FAF1: variants seen among roughly 807,000 people sequenced by gnomAD.
FAF1 encodes FAS-associated factor 1.
Under a neutral mutation model 92.5 loss-of-function variants are expected in FAF1, and 25 were observed. The observed-to-expected ratio is 0.27, with a 90% CI of 0.20 to 0.38. The LOEUF is 0.38. Ranked by LOEUF, FAF1 falls within the 10% of genes least tolerant of loss-of-function variation. FAF1 has a pLI of 1.00. For synonymous variants in FAF1, 234 were observed against 273.2 expected, an observed-to-expected ratio of 0.86 and a Z score of 1.42; for missense variants, 636 against 793.3, an observed-to-expected ratio of 0.80 and a Z score of 2.38.
chr1:50,637,616 C>T (rs1374597195), intron 8 of FAF1, among the ~76,000 whole-genome samples: 1 of 151,276 alleles, frequency 6.6e-6, no homozygotes, highest in African/African-American at 2.4e-5. Context: ...GGAGGAGGTA[C>T]TGCCTTAAAA....
intron 8 of FAF1, among the ~76,000 whole-genome samples, chr1:50,610,755 C>A (rs1330695704): frequency 6.6e-6 from 1 of 152,092 alleles, no homozygotes; most frequent in East Asian, 1.9e-4. Flanking sequence ...CCCCTCACAC[C>A]TGTTAGGCTT....
At chr1:50,861,183 C>T (rs1305735175) in intron 1 of FAF1, among the ~76,000 whole-genome samples, 2 of 151,802 alleles carry the variant, frequency 1.3e-5, no homozygotes, top group African/African-American at 4.8e-5. Flanking sequence ...AGGTAATAAA[C>T]TTCTATCTGT....
chr1:50,728,706 G>T (rs1301879597), intron 6 of FAF1, among the ~76,000 whole-genome samples: 1 of 151,278 alleles, frequency 6.6e-6, no homozygotes, highest in Non-Finnish European at 1.5e-5. Flanking sequence ...CAGGAAAATC[G>T]CTTGAACCCA....
intron 7 of FAF1, among the ~76,000 whole-genome samples, chr1:50,698,822 T>G (rs1657341962): frequency 6.6e-6 from 1 of 151,896 alleles, no homozygotes; most frequent in Admixed American, 6.6e-5. Flanking sequence ...AAAGGCATGC[T>G]ACCTTCTTAA....
At chr1:50,649,656 G>C (rs1335033560) in intron 8 of FAF1, among the ~76,000 whole-genome samples, 13 of 151,672 alleles carry the variant, frequency 8.6e-5, no homozygotes, top group Admixed American at 7.9e-4. Flanking sequence ...AATCAAGAAA[G>C]AAAAGTCTGG....
chr1:50,822,831 A>G (rs1361289549), intron 2 of FAF1, among the ~76,000 whole-genome samples: 1 of 144,892 alleles, frequency 6.9e-6, no homozygotes, highest in Non-Finnish European at 1.5e-5. Flanking sequence ...CTGGAGTGCA[A>G]TGGCACGATC....
intron 15 of FAF1, among the ~76,000 whole-genome samples, chr1:50,496,716 A>G (rs1572785566): frequency 6.6e-6 from 1 of 152,216 alleles, no homozygotes; most frequent in East Asian, 1.9e-4. Flanking sequence ...ACATGGTGAA[A>G]CATGTCTACT....
chr1:50,509,143 T>C (rs1647099776), intron 15 of FAF1, among the ~76,000 whole-genome samples: 1 of 151,904 alleles, frequency 6.6e-6, no homozygotes, highest in South Asian at 2.1e-4. Context: ...AATGTGGTAT[T>C]ATCCATACAA....
intron 1 of FAF1, among the ~76,000 whole-genome samples, chr1:50,911,908 GC>G (rs1238437267): frequency 6.6e-6 from 1 of 151,838 alleles, no homozygotes; most frequent in Non-Finnish European, 1.5e-5. Context: ...ATGGTGGCAT[GC>G]CCCTGTAGTC....
intron 2 of FAF1, among the ~76,000 whole-genome samples, chr1:50,844,226 T>TA (rs748131945): frequency 1.3e-5 from 2 of 152,164 alleles, no homozygotes; most frequent in Non-Finnish European, 2.9e-5. Flanking sequence ...TAAATCATAG[T>TA]ATTTGTTTTT....
At chr1:50,954,993 C>A (rs1570185693) in intron 1 of FAF1, among the ~76,000 whole-genome samples, 2 of 152,106 alleles carry the variant, frequency 1.3e-5, no homozygotes, top group Non-Finnish European at 2.9e-5. Context: ...CAGAGTGAGA[C>A]CCTGTCTCGC....
intron 7 of FAF1, among the ~76,000 whole-genome samples, chr1:50,680,858 A>C (rs1429173518): frequency 6.6e-6 from 1 of 152,148 alleles, no homozygotes; most frequent in Non-Finnish European, 1.5e-5. Flanking sequence ...GCTCAGATCA[A>C]CTTAAACACC....
At chr1:50,834,464 T>G (rs1437179669) in intron 2 of FAF1, among the ~76,000 whole-genome samples, 1 of 152,082 alleles carries the variant, frequency 6.6e-6, no homozygotes, top group Non-Finnish European at 1.5e-5. Context: ...GAAAGACAGG[T>G]AAGAGGTCAG....
intron 7 of FAF1, among the ~76,000 whole-genome samples, chr1:50,693,236 G>A (rs956862958): frequency 6.6e-6 from 1 of 152,002 alleles, no homozygotes; most frequent in African/African-American, 2.4e-5. Flanking sequence ...TTTTCTTTCT[G>A]TCTGGTGTGA....
intron 4 of FAF1, among the ~76,000 whole-genome samples, chr1:50,764,747 G>T (rs1660497094): frequency 6.6e-6 from 1 of 152,152 alleles, no homozygotes; most frequent in Non-Finnish European, 1.5e-5. Flanking sequence ...TCCTTCAAGG[G>T]CAAAAGTAGA....
intron 17 of FAF1, among the ~76,000 whole-genome samples, chr1:50,480,394 C>T (rs776390953): frequency 3.3e-4 from 50 of 152,122 alleles, no homozygotes; most frequent in Non-Finnish European, 5.6e-4. Context: ...CACAAAACAA[C>T]CTCTAGGTTT....
chr1:50,901,399 A>G (rs1644794985), intron 1 of FAF1, among the ~76,000 whole-genome samples: 1 of 152,172 alleles, frequency 6.6e-6, no homozygotes, highest in Non-Finnish European at 1.5e-5. Context: ...GCCTCATTAA[A>G]GCCAAATGTT....
Position 50,959,848 on chromosome 1 carries a change from G to T in FAF1, c.-37C>A. ...AGTTCCGCGGCTCCGGGAGCGAAGCGCGCACCTGGGAGGCAGACGGCACCT... is the reference window on the plus strand; with the variant it reads ...AGTTCCGCGGCTCCGGGAGCGAAGCTCGCACCTGGGAGGCAGACGGCACCT... On this transcript the variant is annotated 5_prime_UTR_variant, in exon 1 of 19. Coordinates refer to ENST00000396153, the MANE Select transcript of FAF1 (RefSeq NM_007051.3). The T allele has an allele frequency of 6.6e-7, 1 of 1,517,312 alleles. No individual in the cohort carries two copies. The allele number at this position is 1,517,312 out of a possible 1,614,324, so 94.0% of individuals were successfully genotyped here. A position where few individuals can be genotyped will look rare whatever the true frequency, so the allele number is the denominator to read the frequency against.
Position 50,570,942 on chromosome 1 carries a change from G to GA in FAF1, c.1114-3712dup, listed in dbSNP as rs1339840701. 2.0e-5 allele frequency among the ~76,000 whole-genome samples: 3 copies of GA among 152,260 alleles called. No homozygotes were observed. The East Asian group carries it at 5.8e-4, about 29-fold the overall frequency. On this transcript the variant is annotated intron_variant, in intron 12 of 18. Transcript: ENST00000396153. ...AAACTAATCAGAAAACTGCTTTCGT[G>GA]AAGAAAGCAGTACCACAGAAAACGA...
Sources: allele counts gnomAD v4.1 joint callset (sites outside exome capture counted in the v4.1 genomes callset), GRCh38; gene constraint gnomAD v4.1.1; transcripts MANE v1.5; gene names NCBI Gene and HGNC (gene_info 2026-07-23, HGNC 2026-07-21).